LRRC38: variants seen among roughly 807,000 people sequenced by gnomAD.
LRRC38 encodes leucine rich repeat containing 38.
A neutral mutation model predicts 16.4 loss-of-function variants in LRRC38; 5 were observed. The observed-to-expected ratio is 0.31, with a 90% CI of 0.16 to 0.64. LRRC38 has a LOEUF of 0.64. LRRC38 is among the 30% of genes least tolerant of loss of function. LRRC38 has a pLI of 0.80. For missense variants in LRRC38, 341 were observed against 401.8 expected, an observed-to-expected ratio of 0.85 and a Z score of 1.29; for synonymous variants, 191 against 190.2, an observed-to-expected ratio of 1.00 and a Z score of -0.04.
intron 1 of LRRC38, among the ~76,000 whole-genome samples, chr1:13,490,379 G>C (rs1470337452): frequency 1.3e-5 from 2 of 152,056 alleles, no homozygotes; most frequent in African/African-American, 4.8e-5. Flanking sequence ...GGCTGGTCTT[G>C]AACTCCTGAC....
chr1:13,508,147 G>C (rs1639233670), intron 1 of LRRC38, among the ~76,000 whole-genome samples: 1 of 152,050 alleles, frequency 6.6e-6, no homozygotes, highest in African/African-American at 2.4e-5. Context: ...TGAGGCAGTA[G>C]AAGAGCTTGA....
chr1:13,476,062 GCTCTCC>G lies in LRRC38; in HGVS notation c.663_668del (p.Met221_Ser223delinsIle). ...ACAGCTCACGCAGGGATATCCTCCT[GCTCTCC>G]ATGGGCAGGGAGCACTGGATTTCAT... On this transcript the variant is annotated inframe_deletion, in exon 2 of 2. Coordinates refer to ENST00000376085, the MANE Select transcript of LRRC38 (RefSeq NM_001010847.2). 6.4e-7 allele frequency: 1 copy of G among 1,550,568 alleles called. No homozygotes were observed. The highest frequency in any genetic ancestry group is 8.7e-7 in the Non-Finnish European group (1 of 1,146,984).
chr1:13,492,750 C>T (rs1639029847), intron 1 of LRRC38, among the ~76,000 whole-genome samples: 1 of 152,110 alleles, frequency 6.6e-6, no homozygotes, highest in African/African-American at 2.4e-5. Flanking sequence ...TTACCCAGCC[C>T]TGACACTCTA....
At chr1:13,483,914 C>CAGAGA (rs1244130494) in intron 1 of LRRC38, among the ~76,000 whole-genome samples, 80 of 125,178 alleles carry the variant, frequency 6.4e-4, no homozygotes, top group African/African-American at 2.5e-3. Context: ...ACAGAACCAA[C>CAGAGA]AGAGAGGAGA....
At chr1:13,492,382 A>G (rs888705770) in intron 1 of LRRC38, among the ~76,000 whole-genome samples, 1 of 152,154 alleles carries the variant, frequency 6.6e-6, no homozygotes, top group Non-Finnish European at 1.5e-5. Context: ...TAATGCAAAA[A>G]ATAGAGAAAA....
chr1:13,500,932 G>A (rs1280198775), intron 1 of LRRC38, among the ~76,000 whole-genome samples: 1 of 152,192 alleles, frequency 6.6e-6, no homozygotes, highest in East Asian at 1.9e-4. Flanking sequence ...AGGAATGAAT[G>A]AGCGGGGCAC....
chr1:13,503,513 C>T (rs774256689), intron 1 of LRRC38, among the ~76,000 whole-genome samples: 1 of 152,208 alleles, frequency 6.6e-6, no homozygotes, highest in Admixed American at 6.5e-5. Context: ...AGGTGATCTG[C>T]CCGCCTCAGC....
Position 13,512,182 on chromosome 1 carries a change from C to A in LRRC38, c.631+781G>T, listed in dbSNP as rs193152441. Reference sequence around the variant, plus strand: ...CTGCCTCCTCACTCTGGGTGCTCATCCCTGTGGATGCTGGGGTCCCCTCCT... The same window carrying A: ...CTGCCTCCTCACTCTGGGTGCTCATACCTGTGGATGCTGGGGTCCCCTCCT... On this transcript the variant is annotated intron_variant, in intron 1 of 1. Coordinates refer to ENST00000376085, the MANE Select transcript of LRRC38 (RefSeq NM_001010847.2). 2.8e-3 allele frequency among the ~76,000 whole-genome samples: 428 copies of A among 152,274 alleles called. 2 individuals carry two copies. Among genetic ancestry groups the A allele is most frequent in the African/African-American group, 9.7e-3 (405 of 41,570 alleles).
intron 1 of LRRC38, among the ~76,000 whole-genome samples, chr1:13,501,203 C>T (rs554327228): frequency 6.6e-5 from 10 of 151,620 alleles, no homozygotes; most frequent in Admixed American, 1.3e-4. Context: ...ATGTGGCATG[C>T]TAATATATAT....
intron 1 of LRRC38, among the ~76,000 whole-genome samples, chr1:13,494,734 A>G (rs919102372): frequency 1.3e-5 from 2 of 152,168 alleles, no homozygotes; most frequent in African/African-American, 4.8e-5. Flanking sequence ...TCAGCTTCTC[A>G]CTAGTTCGCT....
chr1:13,488,914 T>A (rs1638974482), intron 1 of LRRC38, among the ~76,000 whole-genome samples: 1 of 152,092 alleles, frequency 6.6e-6, no homozygotes, highest in African/African-American at 2.4e-5. Context: ...CTCATCCATT[T>A]CCACAACCTT....
chr1:13,508,176 G>A (rs2100524927), intron 1 of LRRC38, among the ~76,000 whole-genome samples: 1 of 152,274 alleles, frequency 6.6e-6, no homozygotes, highest in South Asian at 2.1e-4. Flanking sequence ...GGCGGAGGTT[G>A]CAGTGAGCTG....
At chr1:13,497,194 C>T (rs1019223678) in intron 1 of LRRC38, among the ~76,000 whole-genome samples, 1 of 152,076 alleles carries the variant, frequency 6.6e-6, no homozygotes, top group Admixed American at 6.5e-5. Flanking sequence ...CCCTGGAGAG[C>T]TCTGAGCCGA....
intron 1 of LRRC38, among the ~76,000 whole-genome samples, chr1:13,511,155 C>T (rs1639269506): frequency 6.6e-6 from 1 of 152,178 alleles, no homozygotes. Flanking sequence ...TTCTTCCCCA[C>T]ATCACAGACA....
At position 13,475,881 on chromosome 1, in the gene LRRC38, CTTTG is replaced by C; in HGVS notation, c.846_849del (p.Asn282LysfsTer38). ...TTGTCCTCGTCTTCATCCTCCGCATCTTTGTTGGGTGCGCACCTCTGGAGGCACT... is the reference window on the plus strand; with the variant it reads ...TTGTCCTCGTCTTCATCCTCCGCATCTTGGGTGCGCACCTCTGGAGGCACT... On this transcript the variant is annotated frameshift_variant, in exon 2 of 2. Coordinates refer to ENST00000376085, the MANE Select transcript of LRRC38 (RefSeq NM_001010847.2). LOFTEE classifies it high-confidence loss of function. This position sits in a 1 kb window ranked among gnomAD's most constrained non-coding sequence, Gnocchi z 4.3. 6.4e-7 allele frequency: 1 copy of C among 1,550,490 alleles called. No individual in the cohort carries two copies. The highest frequency in any genetic ancestry group is 8.7e-7 in the Non-Finnish European group (1 of 1,147,004).
At chr1:13,500,880 C>T (rs1007249774) in intron 1 of LRRC38, among the ~76,000 whole-genome samples, 13 of 151,958 alleles carry the variant, frequency 8.6e-5, no homozygotes, top group Non-Finnish European at 1.6e-4. Context: ...CTAGAGGCAG[C>T]GAAAAGATCA....
intron 1 of LRRC38, among the ~76,000 whole-genome samples, chr1:13,480,302 G>A (rs566617473): frequency 1.6e-4 from 25 of 152,216 alleles, no homozygotes; most frequent in Non-Finnish European, 3.2e-4. Flanking sequence ...CCGAGACCAC[G>A]CCATTGCACT....
intron 1 of LRRC38, among the ~76,000 whole-genome samples, chr1:13,503,226 G>A (rs756731748): frequency 6.6e-6 from 1 of 152,138 alleles, no homozygotes; most frequent in African/African-American, 2.4e-5. Flanking sequence ...ATGTTTTGGA[G>A]TTCAGCCAGC....
chr1:13,504,741 AGGGAG>A (rs1318541847), intron 1 of LRRC38, among the ~76,000 whole-genome samples: 15 of 21,580 alleles, frequency 7.0e-4, no homozygotes, highest in African/African-American at 2.1e-3. Context: ...GGGGAGGGGA[AGGGAG>A]GGGAGGGGAG....
Sources: allele counts gnomAD v4.1 joint callset (sites outside exome capture counted in the v4.1 genomes callset), GRCh38; gene constraint gnomAD v4.1.1; non-coding constraint Gnocchi (gnomAD v3.1); transcripts MANE v1.5; gene names NCBI Gene and HGNC (gene_info 2026-07-23, HGNC 2026-07-21).